The following CDH18 variants were observed in gnomAD, a reference collection of about 807,000 sequenced individuals.
The protein encoded by CDH18 is cadherin-18.
Under a neutral mutation model 67.9 loss-of-function variants are expected in CDH18, and 31 were observed. The observed-to-expected ratio is 0.46, with a 90% CI of 0.34 to 0.62. CDH18 has a LOEUF of 0.62. Ranked by LOEUF, CDH18 falls within the 20% of genes least tolerant of loss-of-function variation. The probability of loss-of-function intolerance (pLI) is 0.01; values close to 1 mark genes in which losing one functional copy is unlikely to be tolerated. For synonymous variants in CDH18, 362 were observed against 347.2 expected (o/e 1.04, Z -0.48); for missense variants, 890 against 975.5 (o/e 0.91, Z 1.17).
intron 1 of CDH18, among the ~76,000 whole-genome samples, chr5:20,287,900 T>G (rs1383151147): frequency 6.6e-6 from 1 of 151,722 alleles, no homozygotes; most frequent in African/African-American, 2.4e-5. Flanking sequence ...TGAACAACAT[T>G]TATTTATTTT....
chr5:19,773,498 A>T (rs567130531), intron 3 of CDH18, among the ~76,000 whole-genome samples: 2 of 152,186 alleles, frequency 1.3e-5, no homozygotes, highest in Non-Finnish European at 2.9e-5. Context: ...AGTGAATCCT[A>T]TTCAGGAGCA....
At chr5:19,859,989 G>GGT (rs3065070) in intron 2 of CDH18, among the ~76,000 whole-genome samples, 4,745 of 143,202 alleles carry the variant, frequency 0.033, 96 homozygotes, top group East Asian at 0.06. Flanking sequence ...GTTTGCTTTG[G>GGT]GTGTGTGTGT....
chr5:19,703,283 A>T (rs1763507131), intron 5 of CDH18, among the ~76,000 whole-genome samples: 1 of 152,102 alleles, frequency 6.6e-6, no homozygotes. Context: ...AGGACACCTG[A>T]GTACTCTTAA....
intron 1 of CDH18, among the ~76,000 whole-genome samples, chr5:20,434,582 TATAAGC>T (rs1749025657): frequency 6.6e-6 from 1 of 152,006 alleles, no homozygotes; most frequent in African/African-American, 2.4e-5. Flanking sequence ...AAATAGCTGG[TATAAGC>T]ATAAGTTAAT....
intron 5 of CDH18, among the ~76,000 whole-genome samples, chr5:19,700,588 T>C (rs1763114525): frequency 6.6e-6 from 1 of 152,204 alleles, no homozygotes; most frequent in South Asian, 2.1e-4. Flanking sequence ...CAGAAAGCAC[T>C]CTCTTTTAAT....
intron 1 of CDH18, among the ~76,000 whole-genome samples, chr5:20,388,564 C>A (rs935941167): frequency 3.9e-5 from 6 of 151,952 alleles, no homozygotes; most frequent in Non-Finnish European, 8.8e-5. Context: ...GTGTCTCTAT[C>A]TCCTTCAGTT....
In CDH18 at chr5:19,508,835, A is replaced by G. The variant is rs529990407; in HGVS notation, c.1513-5726T>C. ...GCAAATGAACTTGCTTGGCTTAAGC[A>G]TTTTAAAAAGGAAGTTCTTTCTTTC... is the stretch of plus-strand genomic sequence containing the variant. On this transcript the variant is annotated intron_variant, in intron 10 of 12. Transcript: ENST00000382275. Among the ~76,000 whole-genome samples the G allele has an allele frequency of 4.0e-5, 6 of 150,400 alleles. No homozygotes were observed. In the South Asian group the frequency reaches 1.1e-3, roughly 26 times the overall value.
chr5:19,848,256 G>A (rs1783224345), intron 2 of CDH18: 1 of 152,146 alleles, frequency 6.6e-6, no homozygotes, highest in Non-Finnish European at 1.5e-5. Flanking sequence ...TAGCTTCCAT[G>A]ACAAGCTAGA....
At chr5:19,873,256 G>A (rs956962922) in intron 2 of CDH18, among the ~76,000 whole-genome samples, 2 of 150,786 alleles carry the variant, frequency 1.3e-5, no homozygotes, top group South Asian at 4.2e-4. Flanking sequence ...GAGAAAGCAT[G>A]GTTCAGCTTA....
At chr5:19,739,509 G>T (rs969676052) in intron 4 of CDH18, among the ~76,000 whole-genome samples, 1 of 152,042 alleles carries the variant, frequency 6.6e-6, no homozygotes, top group Non-Finnish European at 1.5e-5. Flanking sequence ...TGACCCTAGT[G>T]GAAGAGCAGC....
At chr5:20,017,279 C>T (rs1190049696) in intron 2 of CDH18, among the ~76,000 whole-genome samples, 1 of 151,960 alleles carries the variant, frequency 6.6e-6, no homozygotes, top group East Asian at 1.9e-4. Context: ...TATATTGGCA[C>T]TATGGTAGGA....
rs142323128 is a variant in CDH18 at position 20,078,979 on chromosome 5, T to C, written c.-517-86965A>G. ...ATTTTATATATTATGAGGTACAATG[T>C]GATGTTTTGAAATATGTATACATTG... On this transcript the variant is annotated intron_variant, in intron 2 of 14. Transcript: ENST00000507958. Among the ~76,000 whole-genome samples the C allele has an allele frequency of 2.2e-4, 34 of 152,354 alleles. No individual in the cohort carries two copies. In the East Asian group the frequency reaches 3.9e-3, roughly 17 times the overall value.
intron 2 of CDH18, among the ~76,000 whole-genome samples, chr5:20,034,981 G>T (rs1739723233): frequency 6.6e-6 from 1 of 152,016 alleles, no homozygotes; most frequent in South Asian, 2.1e-4. Context: ...ACCAATAAAT[G>T]TAAGTGCACT....
At chr5:20,143,417 G>C (rs1750395861) in intron 2 of CDH18, among the ~76,000 whole-genome samples, 5 of 151,906 alleles carry the variant, frequency 3.3e-5, no homozygotes, top group Admixed American at 3.3e-4. Context: ...GCCCAGGCTG[G>C]AGTGCAGTGA....
intron 5 of CDH18, among the ~76,000 whole-genome samples, chr5:19,679,741 G>A (rs1013624053): frequency 2.0e-5 from 3 of 151,628 alleles, no homozygotes; most frequent in African/African-American, 4.8e-5. Flanking sequence ...GTGTAGAGGC[G>A]GAAGATCTCT....
Position 19,495,717 on chromosome 5 carries a change from CAAAAAAAAAAAA to C in CDH18, c.1630+7263_1630+7274del, listed in dbSNP as rs749003068. On this transcript the variant is annotated intron_variant, in intron 11 of 12. Transcript: ENST00000382275. ...CTGGGCAAAAAGAGTGAAACTGTCTCAAAAAAAAAAAAAAAAAAAAAAAAAGAAAGAAAGAAA... is the reference window on the plus strand; with the variant it reads ...CTGGGCAAAAAGAGTGAAACTGTCTCAAAAAAAAAAAAAGAAAGAAAGAAA... Among the ~76,000 whole-genome samples the C allele has an allele frequency of 1.2e-3, 56 of 46,554 alleles. 1 individual carries two copies. Among genetic ancestry groups the C allele is most frequent in the Non-Finnish European group, 2.0e-3 (49 of 24,734 alleles). The allele number at this position is 46,554 out of a possible 152,430, so 30.5% of individuals were successfully genotyped here. A position where few individuals can be genotyped will look rare whatever the true frequency, so the allele number is the denominator to read the frequency against.
rs181591246 is a variant in CDH18 at position 20,113,064 on chromosome 5, A to T, written c.-517-121050T>A. ...TCTGTTCTTGGAGACCCAGTTCTTT[A>T]GTTCTAATAATAAAGGTGAACACAA... On this transcript the variant is annotated intron_variant, in intron 2 of 14. Transcript: ENST00000507958. 2.2e-3 allele frequency among the ~76,000 whole-genome samples: 339 copies of T among 152,314 alleles called. 1 individual carries two copies. Among genetic ancestry groups the T allele is most frequent in the African/African-American group, 7.6e-3 (317 of 41,570 alleles).
rs946163510 is a variant in CDH18, at chr5:19,760,230, C to A, written c.229-12994G>T. ...ATAACTGCAGTTCCCACCATTAGAT[C>A]TGATACACAGAGAAGAGCAATTGCA... On this transcript the variant is annotated intron_variant, in intron 3 of 12. Coordinates refer to ENST00000382275, the MANE Select transcript of CDH18 (RefSeq NM_004934.5). Among the ~76,000 whole-genome samples, 12 of 152,232 alleles carry A rather than the reference C, an allele frequency of 7.9e-5. No individual in the cohort carries two copies. In the South Asian group the frequency reaches 1.0e-3, roughly 13 times the overall value.
rs539528954 is a variant in CDH18 at position 20,250,999 on chromosome 5, A to G, written c.-518+4445T>C. ...ATGTAACTCTGTTAATTTGACTTAA[A>G]GCCATGGAAACTTGAACTAACATAA... On this transcript the variant is annotated intron_variant, in intron 2 of 14. Coordinates refer to the CDH18 transcript ENST00000507958. Among the ~76,000 whole-genome samples the G allele has an allele frequency of 1.4e-4, 21 of 152,272 alleles. No homozygotes were observed. In the South Asian group the frequency reaches 4.4e-3, roughly 32 times the overall value.
Sources: allele counts gnomAD v4.1 joint callset (sites outside exome capture counted in the v4.1 genomes callset), GRCh38; gene constraint gnomAD v4.1.1; transcripts MANE v1.5; gene names NCBI Gene and HGNC (gene_info 2026-07-23, HGNC 2026-07-21).